ANGPT1: variants seen among roughly 807,000 people sequenced by gnomAD.
ANGPT1 encodes angiopoietin 1, also known as angiopoietin-1.
ANGPT1 carries 17 observed loss-of-function variants against 62.2 expected under a neutral mutation model. The observed-to-expected ratio is 0.27, with a 90% CI of 0.19 to 0.41. ANGPT1 has a LOEUF of 0.41. Among genes scored for constraint, ANGPT1 ranks in the 10% least tolerant of loss-of-function variants. The probability of loss-of-function intolerance (pLI) is 1.00; values close to 1 mark genes in which losing one functional copy is unlikely to be tolerated. For missense variants in ANGPT1, 478 were observed against 594.9 expected (o/e 0.80, Z 2.04); for synonymous variants, 199 against 198.9 (o/e 1.00, Z 0.00).
chr8:107,324,729 G>A (rs771829887), intron 3 of ANGPT1, among the ~76,000 whole-genome samples: 46 of 152,270 alleles, frequency 3.0e-4, no homozygotes, highest in Non-Finnish European at 5.9e-4. Context: ...AATACCTGAG[G>A]CTGCTAAGAC....
At chr8:107,447,251 A>G (rs1445209754) in intron 1 of ANGPT1, among the ~76,000 whole-genome samples, 1 of 152,180 alleles carries the variant, frequency 6.6e-6, no homozygotes, top group Non-Finnish European at 1.5e-5. Context: ...TGAAATTGGA[A>G]TCAGGTTATC....
intron 5 of ANGPT1, among the ~76,000 whole-genome samples, chr8:107,299,854 T>G (rs150000906): frequency 2.7e-5 from 1 of 37,362 alleles, no homozygotes; most frequent in East Asian, 1.1e-3. Context: ...TACTATATAT[T>G]TAGATATGTA....
intron 7 of ANGPT1, among the ~76,000 whole-genome samples, chr8:107,271,898 T>C (rs367811915): frequency 0.021 from 2,485 of 120,052 alleles, 28 homozygotes; most frequent in Non-Finnish European, 0.03. Flanking sequence ...TCATAATTGA[T>C]ACTGGTAAAA....
intron 3 of ANGPT1, among the ~76,000 whole-genome samples, chr8:107,334,336 T>G (rs781666803): frequency 6.6e-6 from 1 of 152,170 alleles, no homozygotes; most frequent in Non-Finnish European, 1.5e-5. Flanking sequence ...ACCAGTAAAA[T>G]GAAATATGCA....
At chr8:107,468,486 T>G (rs1291564278) in intron 1 of ANGPT1, among the ~76,000 whole-genome samples, 1 of 152,106 alleles carries the variant, frequency 6.6e-6, no homozygotes, top group East Asian at 1.9e-4. Flanking sequence ...CTGTGATTGG[T>G]TACATTTCAT....
At chr8:107,380,722 A>G (rs1329620109) in intron 1 of ANGPT1, among the ~76,000 whole-genome samples, 3 of 152,194 alleles carry the variant, frequency 2.0e-5, no homozygotes, top group East Asian at 1.9e-4. Flanking sequence ...CTGAGGGGAA[A>G]ATCTTTTCTA....
intron 1 of ANGPT1, among the ~76,000 whole-genome samples, chr8:107,354,517 T>C (rs1002322005): frequency 6.6e-5 from 10 of 152,178 alleles, no homozygotes; most frequent in African/African-American, 2.4e-4. Flanking sequence ...ACTTCCTTTA[T>C]AAAGTACAAG....
At chr8:107,370,370 A>AAG (rs1308893908) in intron 1 of ANGPT1, among the ~76,000 whole-genome samples, 1 of 35,198 alleles carries the variant, frequency 2.8e-5, no homozygotes, top group African/African-American at 5.0e-5. Flanking sequence ...GAAAGAAAGA[A>AAG]AGAAAGAAAG....
chr8:107,335,708 T>C (rs1815542593), intron 3 of ANGPT1, among the ~76,000 whole-genome samples: 1 of 152,222 alleles, frequency 6.6e-6, no homozygotes, highest in Admixed American at 6.5e-5. Flanking sequence ...TTCTCTCTAG[T>C]GCTATATTTC....
At chr8:107,406,884 T>TC (rs1817159656) in intron 1 of ANGPT1, among the ~76,000 whole-genome samples, 1 of 49,336 alleles carries the variant, frequency 2.0e-5, no homozygotes, top group African/African-American at 9.0e-5. Flanking sequence ...CATTAAATCC[T>TC]CAAAAAAAAA....
intron 2 of ANGPT1, among the ~76,000 whole-genome samples, chr8:107,342,475 A>G (rs1815714809): frequency 1.3e-5 from 2 of 152,110 alleles, no homozygotes; most frequent in Non-Finnish European, 2.9e-5. Flanking sequence ...GGTGGGCCAA[A>G]TGGTCTCTTG....
chr8:107,296,208 A>G (rs1419383678), intron 5 of ANGPT1, among the ~76,000 whole-genome samples: 1 of 152,136 alleles, frequency 6.6e-6, no homozygotes, highest in Admixed American at 6.6e-5. Context: ...AGGGTCAAAG[A>G]ACGGGCTTTG....
At chr8:107,346,336 T>C (rs7459942) in intron 2 of ANGPT1, among the ~76,000 whole-genome samples, 1,721 of 152,298 alleles carry the variant, frequency 0.011, 22 homozygotes, top group Middle Eastern at 0.02. Flanking sequence ...GTCATCAAAA[T>C]GATAGTCATC....
At chr8:107,467,317 C>CAT (rs3036575) in intron 1 of ANGPT1, among the ~76,000 whole-genome samples, 6,825 of 148,290 alleles carry the variant, frequency 0.046, 444 homozygotes, top group African/African-American at 0.15. Context: ...TTTATTTATT[C>CAT]ATATATATAT....
In ANGPT1 at chr8:107,384,358, C is replaced by A. The variant is rs534976140; in HGVS notation, c.298-37261G>T. ...CTATTTTAAAAAGGAAAAATAACAT[C>A]TAACTTTCAGGAACCTACACAGACA... On this transcript the variant is annotated intron_variant, in intron 1 of 8. Coordinates refer to ENST00000517746, the MANE Select transcript of ANGPT1 (RefSeq NM_001146.5). 9.2e-5 allele frequency among the ~76,000 whole-genome samples: 14 copies of A among 152,172 alleles called. No individual in the cohort carries two copies. In the South Asian group the frequency reaches 2.7e-3, roughly 29 times the overall value.
rs181915457 is a variant in ANGPT1 at position 107,353,451 on chromosome 8, G to T, written c.298-6354C>A. 2.0e-3 allele frequency among the ~76,000 whole-genome samples: 305 copies of T among 152,254 alleles called. 2 individuals carry two copies. The highest frequency in any genetic ancestry group is 6.5e-3 in the African/African-American group (269 of 41,554). On this transcript the variant is annotated intron_variant, in intron 1 of 8. Transcript: ENST00000517746. ...CCCAATTCCCTGGTTCCTGCTACTTGCTTTGCCTTTGCTGATTCCTGATTT... is the reference window on the plus strand; with the variant it reads ...CCCAATTCCCTGGTTCCTGCTACTTTCTTTGCCTTTGCTGATTCCTGATTT...
intron 8 of ANGPT1, among the ~76,000 whole-genome samples, chr8:107,255,469 G>A (rs72670487): frequency 1.0e-3 from 156 of 152,254 alleles, no homozygotes; most frequent in Middle Eastern, 3.4e-3. Flanking sequence ...CCTGGAGAGC[G>A]CCGGAGCAGA....
chr8:107,467,910 C>A (rs186689877), intron 1 of ANGPT1, among the ~76,000 whole-genome samples: 1 of 152,076 alleles, frequency 6.6e-6, no homozygotes, highest in Non-Finnish European at 1.5e-5. Flanking sequence ...TGCCTAAAGC[C>A]TAGATGTTAG....
At chr8:107,387,411 G>A (rs532335668) in intron 1 of ANGPT1, among the ~76,000 whole-genome samples, 2 of 152,122 alleles carry the variant, frequency 1.3e-5, no homozygotes, top group East Asian at 3.9e-4. Context: ...ATGCTAGCAA[G>A]TACCTTTCTG....
Sources: gnomAD v4.1 joint callset for allele counts (sites outside exome capture counted in the v4.1 genomes callset) on GRCh38, gnomAD v4.1.1 for gene constraint, MANE v1.5 for transcripts, NCBI Gene and HGNC (gene_info 2026-07-23, HGNC 2026-07-21) for gene names.